Variants in MYH15 observed in about 807,000 individuals in gnomAD.
MYH15 encodes myosin heavy chain 15, also known as myosin-15.
Under a neutral mutation model 240.5 loss-of-function variants are expected in MYH15, and 227 were observed. The ratio of observed to expected loss-of-function variants is 0.94; its 90% confidence interval spans 0.85 to 1.05. The LOEUF (loss-of-function observed/expected upper bound fraction) is 1.05. Ranked by LOEUF, MYH15 falls within the 50% of genes least tolerant of loss-of-function variation. MYH15 has a pLI of 0.00. For synonymous variants in MYH15, 785 were observed against 796.7 expected, an observed-to-expected ratio of 0.99 and a Z score of 0.25; for missense variants, 2,217 against 2,247.5, an observed-to-expected ratio of 0.99 and a Z score of 0.27.
chr3:108,408,240 T>C (rs2082560853), intron 32 of MYH15, 40 bp downstream of exon 32: 5 of 1,588,240 alleles, frequency 3.1e-6, no homozygotes, highest in Non-Finnish European at 4.3e-6. Flanking sequence ...TCTTCTGCCT[T>C]GTCACAGTGA....
chr3:108,497,991 C>A (rs2083405457), intron 6 of MYH15, 61 bp downstream of exon 6: 3 of 1,452,000 alleles, frequency 2.1e-6, no homozygotes, highest in Admixed American at 3.4e-5. Context: ...CCGGACACAA[C>A]CTCCATGATC....
At chr3:108,534,377 T>C in the MYH15 span, among the ~76,000 whole-genome samples, 8 of 152,320 alleles carry the variant, frequency 5.3e-5, no homozygotes, top group African/African-American at 1.9e-4. Flanking sequence ...GAATGCTCTA[T>C]CAAACCAATG....
chr3:108,547,155 C>A, the MYH15 span, among the ~76,000 whole-genome samples: 1 of 151,950 alleles, frequency 6.6e-6, no homozygotes, highest in Non-Finnish European at 1.5e-5. Context: ...GGACATGTCA[C>A]CACACCTAAC....
At chr3:108,434,621 A>G (rs1576231348) in intron 25 of MYH15, among the ~76,000 whole-genome samples, 1 of 152,318 alleles carries the variant, frequency 6.6e-6, no homozygotes, top group African/African-American at 2.4e-5. Flanking sequence ...AAAATTAACT[A>G]TGACATAATA....
chr3:108,427,667 G>A (rs543136823), intron 27 of MYH15, among the ~76,000 whole-genome samples: 5 of 151,266 alleles, frequency 3.3e-5, no homozygotes, highest in Non-Finnish European at 5.9e-5. Context: ...AAGAGAGAGA[G>A]AGAGACTGTT....
At chr3:108,403,217 G>A (rs1414546376) in intron 33 of MYH15, among the ~76,000 whole-genome samples, 1 of 152,156 alleles carries the variant, frequency 6.6e-6, no homozygotes, top group Non-Finnish European at 1.5e-5. Flanking sequence ...TCACCAGAGT[G>A]GAAGACATGG....
intron 1 of MYH15, among the ~76,000 whole-genome samples, chr3:108,517,020 C>G (rs1027409203): frequency 2.0e-5 from 3 of 152,112 alleles, no homozygotes; most frequent in Admixed American, 6.5e-5. Context: ...TAATTGTGTG[C>G]TTTTCAGTCT....
At chr3:108,550,124 T>A in the MYH15 span, 1 of 151,854 alleles carries the variant, frequency 6.6e-6, no homozygotes, top group African/African-American at 2.4e-5. Flanking sequence ...GGTATAGCAA[T>A]AAAATCAATC....
At chr3:108,484,081 T>C (rs1178515023) in intron 11 of MYH15, among the ~76,000 whole-genome samples, 1 of 152,248 alleles carries the variant, frequency 6.6e-6, no homozygotes, top group Non-Finnish European at 1.5e-5. Context: ...TTGTAAATTG[T>C]ATGTTATATA....
At position 108,500,289 on chromosome 3, in the gene MYH15, G is replaced by C; in HGVS notation, c.340-15C>G. On this transcript the variant is annotated splice_polypyrimidine_tract_variant and intron_variant, in intron 3 of 40. Coordinates refer to ENST00000693548, the MANE Select transcript of MYH15 (RefSeq NM_014981.3). ...CCTGAATATGTCTGAGGGAAAATCA[G>C]AAAAGATTTCAGAAACTAGATTAGA... 1.3e-6 allele frequency: 2 copies of C among 1,591,944 alleles called. No homozygotes were observed. Among genetic ancestry groups the C allele is most frequent in the Non-Finnish European group, 1.7e-6 (2 of 1,169,930 alleles).
chr3:108,492,405 C>T, intron 9 of MYH15, 95 bp downstream of exon 9: 1 of 821,230 alleles, frequency 1.2e-6, no homozygotes, highest in Non-Finnish European at 1.9e-6. Context: ...TCTAAATAGG[C>T]TAAGAAACTT....
the MYH15 span, among the ~76,000 whole-genome samples, chr3:108,542,684 TC>T: frequency 6.6e-6 from 1 of 152,132 alleles, no homozygotes; most frequent in African/African-American, 2.4e-5. Flanking sequence ...TAGCTATTCT[TC>T]CTGATGCTCT....
At chr3:108,527,691 T>C (rs575197001) in intron 1 of MYH15, among the ~76,000 whole-genome samples, 36 of 152,290 alleles carry the variant, frequency 2.4e-4, no homozygotes, top group African/African-American at 8.4e-4. Context: ...AAAAATCTTA[T>C]GGCTTATCAA....
chr3:108,400,264 T>C (rs182398535), intron 33 of MYH15, among the ~76,000 whole-genome samples: 245 of 152,312 alleles, frequency 1.6e-3, no homozygotes, highest in African/African-American at 5.7e-3. Flanking sequence ...GCCTCAAACA[T>C]AGGCAAAAAT....
chr3:108,496,141 A>C (rs1301128721), intron 6 of MYH15, among the ~76,000 whole-genome samples: 1 of 152,192 alleles, frequency 6.6e-6, no homozygotes, highest in Non-Finnish European at 1.5e-5. Context: ...CCTGAGGGGG[A>C]AAAGCAAATG....
At chr3:108,456,697 A>C (rs946105365) in intron 19 of MYH15, 69 bp downstream of exon 19, 46 of 1,162,330 alleles carry the variant, frequency 4.0e-5, no homozygotes, top group Admixed American at 8.6e-5. Context: ...TGCATGCCTA[A>C]ACACTCGGAA....
intron 25 of MYH15, 133 bp from the exon 26 acceptor site, chr3:108,431,055 T>A: frequency 6.2e-6 from 4 of 643,080 alleles, no homozygotes; most frequent in Non-Finnish European, 1.1e-5. Context: ...TTACCCTGAT[T>A]TACTCATTGT....
At chr3:108,533,199 C>A (rs2083723300), upstream of MYH15, among the ~76,000 whole-genome samples, 2 of 142,534 alleles carry the variant, frequency 1.4e-5, no homozygotes, top group South Asian at 4.5e-4. Flanking sequence ...TGAAGAGCAA[C>A]CTGTCCTTGA....
chr3:108,428,298 T>A (rs1817233), intron 27 of MYH15, among the ~76,000 whole-genome samples, 194 bp downstream of exon 27: 124,575 of 152,204 alleles, frequency 0.82, 51,497 homozygotes, highest in Non-Finnish European at 0.87. Context: ...GGTCACATTC[T>A]GGTGATGGCT....
Sources: allele counts gnomAD v4.1 joint callset (sites outside exome capture counted in the v4.1 genomes callset), GRCh38; gene constraint gnomAD v4.1.1; transcripts MANE v1.5; gene names NCBI Gene and HGNC (gene_info 2026-07-23, HGNC 2026-07-21).